ANKRD33: variants seen among roughly 807,000 people sequenced by gnomAD.
ANKRD33 encodes the protein ankyrin repeat domain 33, also known as photoreceptor ankyrin repeat protein.
In ANKRD33, 20 loss-of-function variants were observed where a neutral mutation model predicts 20.6. The ratio of observed to expected loss-of-function variants is 0.97; its 90% CI spans 0.68 to 1.41. The LOEUF (loss-of-function observed/expected upper bound fraction) is 1.41, where lower values mean the gene tolerates loss of function less well. ANKRD33 is among the 40% of genes most tolerant of loss of function. The pLI is 0.00. For synonymous variants in ANKRD33, 246 were observed against 245.0 expected (o/e 1.00, Z -0.04); for missense variants, 545 against 579.6 (o/e 0.94, Z 0.61).
rs144680004 is a variant in ANKRD33, at chr12:51,889,174, C to T, written c.504C>T (p.Ala168=). The change falls in exon 3 of 5, where the codon GCC becomes GCT. Residue 168 remains alanine (A), a synonymous_variant. Coordinates refer to ENST00000301190, the MANE Select transcript of ANKRD33 (RefSeq NM_182608.4). ...AGCAGGACAAAGGAGGGGACACGGC[C>T]CTCATGTTGGCTGCCCAAGCAGGTG... ...VNQQDKGGDT[A]LMLAAQAGHV... is the part of the protein sequence containing the mutation. 5 of 1,614,194 alleles carry T rather than the reference C, an allele frequency of 3.1e-6. No individual in the cohort carries two copies. In the South Asian group the frequency reaches 4.4e-5, roughly 14 times the overall value.
chr12:51,890,183 A>G lies in ANKRD33; in HGVS notation c.638-401A>G, dbSNP rs907545106. ...AGTGACTGCTCCTCCCACAACCCCA[A>G]GATGGGAGAGGGAGATGGTGAGAAG... On this transcript the variant is annotated intron_variant, in intron 4 of 4. Transcript: ENST00000301190. 5.1e-5 allele frequency: 19 copies of G among 370,026 alleles called. No individual in the cohort carries two copies. The East Asian group carries it at 6.4e-4, about 13-fold the overall frequency. The allele number at this position is 370,026 out of a possible 1,614,324, so 22.9% of individuals were successfully genotyped here.
intron 4 of ANKRD33, chr12:51,890,104 G>A (rs1270809764): frequency 3.6e-6 from 1 of 276,240 alleles, no homozygotes; most frequent in East Asian, 8.3e-5. Context: ...GGTTTGGAGT[G>A]AAAAAGGAGT....
In ANKRD33 at chr12:51,891,357, G is replaced by C. The variant is rs760052225; in HGVS notation, c.*52G>C. 1.5e-5 allele frequency: 23 copies of C among 1,575,058 alleles called. No homozygotes were observed. The highest frequency in any genetic ancestry group is 2.3e-5 in the East Asian group (1 of 43,366). ...AACAGGTAATCAGGCCCCTCCCAGG[G>C]CTTCTTTCCCCTCTGGAGTGCCTCC... On this transcript the variant is annotated 3_prime_UTR_variant, in exon 5 of 5. Coordinates refer to ENST00000301190, the MANE Select transcript of ANKRD33 (RefSeq NM_182608.4).
rs764717771 is a variant in ANKRD33 at position 51,888,602 on chromosome 12, G to A, written c.180G>A (p.Leu60=). The change falls in exon 2 of 5, where the codon CTG becomes CTA. Residue 60 remains leucine (L), a synonymous_variant. Transcript: ENST00000301190. Reference sequence around the variant, plus strand: ...GCATGAGAAAAGGGACTCACCTTCTGGTTCCCTGCCTGGAAGAGGAAGAGC... The same window carrying A: ...GCATGAGAAAAGGGACTCACCTTCTAGTTCCCTGCCTGGAAGAGGAAGAGC... ...ASCMRKGTHL[L]VPCLEEEELA... 6 of 1,567,884 alleles carry A rather than the reference G, an allele frequency of 3.8e-6. No individual in the cohort carries two copies. The highest frequency in any genetic ancestry group is 5.2e-6 in the Non-Finnish European group (6 of 1,158,500).
In ANKRD33 at chr12:51,891,121, G is replaced by A. The variant is rs760013545; in HGVS notation, c.1175G>A (p.Ser392Asn). 6.2e-7 allele frequency: 1 copy of A among 1,614,160 alleles called. No individual in the cohort carries two copies. Among genetic ancestry groups the A allele is most frequent in the Non-Finnish European group, 8.5e-7 (1 of 1,180,042 alleles). Reference sequence around the variant, plus strand: ...CTTCAGTGGCTACAACCCAGGGATAGCACCAGCCCCAGGCCCCAAGTCCCC... The same window carrying A: ...CTTCAGTGGCTACAACCCAGGGATAACACCAGCCCCAGGCCCCAAGTCCCC... ...KCLQWLQPRD[S>N]TSPRPQVPKI... The change falls in exon 5 of 5, where the codon AGC (serine) becomes AAC (asparagine). Residue 392 changes from serine to asparagine, a missense_variant. By Grantham distance (46) the Ser-to-Asn change is conservative. Coordinates refer to ENST00000301190, the MANE Select transcript of ANKRD33 (RefSeq NM_182608.4).
In ANKRD33 at chr12:51,890,864, C is replaced by CTG; in HGVS notation, c.918_919insTG (p.His307CysfsTer4). 1 of 1,613,210 alleles carries CTG rather than the reference C, an allele frequency of 6.2e-7. No homozygotes were observed. The highest frequency in any genetic ancestry group is 8.5e-7 in the Non-Finnish European group (1 of 1,179,946). On this transcript the variant is annotated frameshift_variant, in exon 5 of 5. Coordinates refer to ENST00000301190, the MANE Select transcript of ANKRD33 (RefSeq NM_182608.4). LOFTEE classifies it low-confidence loss of function (END_TRUNC). Reference sequence around the variant, plus strand: ...CTCCTCAGGAGGGGGGTGTTCTGGACCACCTTGTGACTGCCACAACCAGCC... The same window carrying CTG: ...CTCCTCAGGAGGGGGGTGTTCTGGACTGCACCTTGTGACTGCCACAACCAGCC...
rs371055410 is a variant in ANKRD33 at position 51,889,203 on chromosome 12, G to A, written c.526+7G>A. 25 of 1,614,038 alleles carry A rather than the reference G, an allele frequency of 1.5e-5. No homozygotes were observed. The highest frequency in any genetic ancestry group is 1.2e-4 in the Admixed American group (7 of 60,010). On this transcript the variant is annotated splice_region_variant and intron_variant, in intron 3 of 4. Transcript: ENST00000301190. ...ATGTTGGCTGCCCAAGCAGGTGTGA[G>A]GCTGCTGCACCCCACTTCCGACAGC...
Position 51,891,694 on chromosome 12 carries a change from A to G in ANKRD33, c.*389A>G, listed in dbSNP as rs77608892. On this transcript the variant is annotated 3_prime_UTR_variant, in exon 5 of 5. Transcript: ENST00000301190. The stretch of plus-strand genomic sequence containing the variant: ...GCATATTATTATTTGTCGAAGTAAA[A>G]TTTTCACGAAGATAAACATGACTAA... 0.073 allele frequency: 13,759 copies of G among 188,454 alleles called. 710 individuals are homozygous for G. Among genetic ancestry groups the G allele is most frequent in the Admixed American group, 0.17 (3,172 of 18,814 alleles). The allele number at this position is 188,454 out of a possible 1,614,324, so 11.7% of individuals were successfully genotyped here.
rs770723715 is a variant in ANKRD33 at position 51,888,695 on chromosome 12, C to T, written c.273C>T (p.Thr91=). ...ALPCPGKETP[T]PGCRLGALYW... is the part of the protein sequence containing the mutation. ...CCTGCCCGGGCAAGGAGACCCCCAC[C>T]CCAGGCTGCAGGCTGGGGGCCCTGT... The change falls in exon 2 of 5, where the codon ACC becomes ACT. Residue 91 remains threonine (T), a synonymous_variant. Coordinates refer to ENST00000301190, the MANE Select transcript of ANKRD33 (RefSeq NM_182608.4). 13 of 1,613,380 alleles carry T rather than the reference C, an allele frequency of 8.1e-6. No individual in the cohort carries two copies. The highest frequency in any genetic ancestry group is 1.0e-5 in the Non-Finnish European group (12 of 1,179,688).
rs1227314250 is a variant in ANKRD33, at chr12:51,890,786, C to G, written c.840C>G (p.Ala280=). Residue 280 remains alanine, a synonymous_variant, in exon 5 of 5, where the codon GCC becomes GCG. Coordinates refer to ENST00000301190, the MANE Select transcript of ANKRD33 (RefSeq NM_182608.4). ...VAQAQAQAQV[A]PSLLERLQAT... ...AGGCCCAGGCCCAGGCCCAGGTTGC[C>G]CCTTCACTCCTAGAACGGCTGCAGG... is the stretch of plus-strand genomic sequence containing the variant. 3 of 1,601,006 alleles carry G rather than the reference C, an allele frequency of 1.9e-6. No homozygotes were observed. Among genetic ancestry groups the G allele is most frequent in the Admixed American group, 3.3e-5 (2 of 59,712 alleles).
chr12:51,890,326 T>G, intron 4 of ANKRD33: 20 of 835,602 alleles, frequency 2.4e-5, no homozygotes, highest in Non-Finnish European at 2.7e-5. Context: ...GCTCCTTGGA[T>G]TGAGGAGATC....
chr12:51,890,648 C>G lies in ANKRD33; in HGVS notation c.702C>G (p.Thr234=), dbSNP rs780080464. ...CGGCCCTGGAATGGGCAGTGCTGAC[C>G]GACAGCTTCGACACCGTGTGGAGGA... The part of the protein sequence containing the change: ...GKTALEWAVL[T]DSFDTVWRIR... Residue 234 remains threonine (T), a synonymous_variant, in exon 5 of 5, where the codon ACC becomes ACG. Transcript: ENST00000301190. 6.2e-7 allele frequency: 1 copy of G among 1,608,372 alleles called. No homozygotes were observed. The highest frequency in any genetic ancestry group is 8.5e-7 in the Non-Finnish European group (1 of 1,179,980).
At position 51,888,122 on chromosome 12, in the gene ANKRD33, C is replaced by G; in HGVS notation, c.-65C>G. 1.3e-6 allele frequency: 2 copies of G among 1,587,350 alleles called. No homozygotes were observed. Among genetic ancestry groups the G allele is most frequent in the South Asian group, 1.1e-5 (1 of 88,958 alleles). On this transcript the variant is annotated 5_prime_UTR_variant, in exon 1 of 5. Transcript: ENST00000301190. ...GCTCCTGAGACGTGACCACCCGCCC[C>G]GCATGGGGCCCCAGTCCCAGCTGCT... is the stretch of plus-strand genomic sequence containing the variant.
rs768365894 is a variant in ANKRD33, at chr12:51,889,047, C to A, written c.397-20C>A. The A allele has an allele frequency of 6.2e-7, 1 of 1,614,004 alleles. No individual in the cohort carries two copies. Among genetic ancestry groups the A allele is most frequent in the African/African-American group, 1.3e-5 (1 of 75,034 alleles). On this transcript the variant is annotated intron_variant, in intron 2 of 4. Coordinates refer to ENST00000301190, the MANE Select transcript of ANKRD33 (RefSeq NM_182608.4). ...GTGGCCCAGGGGGAAAGCAGGGGAT[C>A]TGAGCTGCCCCTCCCTCAGACAGGC...
chr12:51,889,231 C>T lies in ANKRD33; in HGVS notation c.526+35C>T, dbSNP rs756601705. The T allele has an allele frequency of 1.9e-6, 3 of 1,613,840 alleles. No homozygotes were observed. The South Asian group carries it at 3.3e-5, about 18-fold the overall frequency. ...TGCTGCACCCCACTTCCGACAGCCC[C>T]CTTTTGATGCAGACAGGGCCTCAGC... On this transcript the variant is annotated intron_variant, in intron 3 of 4. Transcript: ENST00000301190.
chr12:51,889,473 C>A lies in ANKRD33; in HGVS notation c.628C>A (p.Arg210=), dbSNP rs144402270. Residue 210 remains arginine (R), a synonymous_variant, in exon 4 of 5, where the codon CGG becomes AGG. Coordinates refer to ENST00000301190, the MANE Select transcript of ANKRD33 (RefSeq NM_182608.4). ...CACGGCGTTAATGAAGGCTGCCATG[C>A]GGAACCGCTGTGAGTGCGTGGCCAC... The part of the protein sequence containing the change: ...GLTALMKAAM[R]NRCADLTAVD... The A allele has an allele frequency of 6.2e-7, 1 of 1,613,946 alleles. No individual in the cohort carries two copies. The highest frequency in any genetic ancestry group is 8.5e-7 in the Non-Finnish European group (1 of 1,179,994).
rs755531710 is a variant in ANKRD33, at chr12:51,888,171, T to G, written c.-16T>G. 3.1e-6 allele frequency: 5 copies of G among 1,613,142 alleles called. No homozygotes were observed. Among genetic ancestry groups the G allele is most frequent in the Non-Finnish European group, 4.2e-6 (5 of 1,179,590 alleles). Reference sequence around the variant, plus strand: ...CTTGATCCGGCTCAGCCCCGAGGTGTTTGCAGCAGCTCTTTATGAAAGTCC... The same window carrying G: ...CTTGATCCGGCTCAGCCCCGAGGTGGTTGCAGCAGCTCTTTATGAAAGTCC... On this transcript the variant is annotated 5_prime_UTR_variant, in exon 1 of 5. Coordinates refer to ENST00000301190, the MANE Select transcript of ANKRD33 (RefSeq NM_182608.4).
Position 51,888,830 on chromosome 12 carries a change from T to C in ANKRD33, c.396+12T>C, listed in dbSNP as rs1167601211. The C allele has an allele frequency of 6.2e-7, 1 of 1,612,032 alleles. No individual in the cohort carries two copies. Among genetic ancestry groups the C allele is most frequent in the Admixed American group, 1.7e-5 (1 of 59,986 alleles). On this transcript the variant is annotated intron_variant, in intron 2 of 4. Transcript: ENST00000301190. Reference sequence around the variant, plus strand: ...ACAGCAATGGGAGGGTGAGATGTCCTGGCTTCCCAGAACAGCTGGGGGCAT... The same window carrying C: ...ACAGCAATGGGAGGGTGAGATGTCCCGGCTTCCCAGAACAGCTGGGGGCAT...
Position 51,889,480 on chromosome 12 carries a change from G to T in ANKRD33, c.635G>T (p.Arg212Leu). 6.2e-7 allele frequency: 1 copy of T among 1,613,782 alleles called. No homozygotes were observed. The highest frequency in any genetic ancestry group is 1.1e-5 in the South Asian group (1 of 91,034). The change falls in exon 4 of 5, where the codon CGC becomes CTC. Residue 212 changes from arginine to leucine, a missense_variant and splice_region_variant. By Grantham distance (102) the Arg-to-Leu change is moderately radical. Coordinates refer to ENST00000301190, the MANE Select transcript of ANKRD33 (RefSeq NM_182608.4). ...TTAATGAAGGCTGCCATGCGGAACC[G>T]CTGTGAGTGCGTGGCCACCCTCCTC... ...TALMKAAMRN[R>L]CADLTAVDPV...
Sources: gnomAD v4.1 joint callset for allele counts on GRCh38, gnomAD v4.1.1 for gene constraint, MANE v1.5 for transcripts, NCBI Gene and HGNC (gene_info 2026-07-23, HGNC 2026-07-21) for gene names.